The following MCPH1 variants were observed in gnomAD, a reference collection of about 807,000 sequenced individuals.
The protein encoded by MCPH1 is microcephalin.
Under a neutral mutation model 84.5 loss-of-function variants are expected in MCPH1, and 104 were observed. The observed-to-expected ratio is 1.23, with a 90% CI of 1.05 to 1.45. The LOEUF (loss-of-function observed/expected upper bound fraction) is 1.45, where lower values mean the gene tolerates loss of function less well. Ranked by LOEUF, MCPH1 falls within the 40% of genes most tolerant of loss-of-function variation. The probability of loss-of-function intolerance (pLI) is 0.00; values close to 1 mark genes in which losing one functional copy is unlikely to be tolerated. For missense variants in MCPH1, 1,498 were observed against 1,005.7 expected (o/e 1.49, Z -6.62); for synonymous variants, 514 against 366.8 (o/e 1.40, Z -4.58).
At chr8:6,433,688 G>A (rs941108461) in intron 4 of MCPH1, among the ~76,000 whole-genome samples, 6 of 147,952 alleles carry the variant, frequency 4.1e-5, no homozygotes, top group African/African-American at 1.5e-4. Flanking sequence ...AATATTGGAT[G>A]TTACTAATCT....
intron 12 of MCPH1, among the ~76,000 whole-genome samples, chr8:6,561,303 A>T (rs1183029799): frequency 1.3e-5 from 2 of 152,224 alleles, no homozygotes; most frequent in Non-Finnish European, 2.9e-5. Flanking sequence ...TTGATAGGTC[A>T]TTTTGGTAAG....
intron 13 of MCPH1, chr8:6,626,552 A>G: frequency 2.0e-6 from 2 of 984,756 alleles, no homozygotes; most frequent in Non-Finnish European, 2.4e-6. Context: ...CGGGAAAACA[A>G]AAATCAAATT....
In MCPH1 at chr8:6,460,709, C is replaced by T. The variant is rs752308405; in HGVS notation, c.1935+5457C>T. On this transcript the variant is annotated intron_variant, in intron 9 of 13. Transcript: ENST00000344683. ...TGCCTGGTTAGTTTGTCTTTATCTT[C>T]CTAGCAGGGACTGAGATGATCTGGA... Among the ~76,000 whole-genome samples the T allele has an allele frequency of 3.9e-5, 6 of 152,094 alleles. No homozygotes were observed. In the Middle Eastern group the frequency reaches 0.01, roughly 259 times the overall value.
At chr8:6,546,418 C>T (rs971303990) in intron 12 of MCPH1, among the ~76,000 whole-genome samples, 5 of 152,258 alleles carry the variant, frequency 3.3e-5, no homozygotes, top group East Asian at 1.9e-4. Context: ...TAGCATAGAG[C>T]GTAAAATGCA....
chr8:6,468,559 A>C (rs890464348), intron 9 of MCPH1, among the ~76,000 whole-genome samples: 7 of 152,136 alleles, frequency 4.6e-5, no homozygotes, highest in Non-Finnish European at 1.0e-4. Flanking sequence ...TTGCTAGATG[A>C]AACATCTTTT....
chr8:6,576,678 T>C (rs1241870426), intron 12 of MCPH1, among the ~76,000 whole-genome samples: 2 of 130,578 alleles, frequency 1.5e-5, no homozygotes, highest in Non-Finnish European at 1.6e-5. Flanking sequence ...CTGCTAATTT[T>C]TGTATTTTTT....
chr8:6,546,466 C>G (rs557914103), intron 12 of MCPH1, among the ~76,000 whole-genome samples: 1 of 152,278 alleles, frequency 6.6e-6, no homozygotes, highest in Admixed American at 6.5e-5. Context: ...GTTTGAGAAG[C>G]CAGGTGTGCC....
intron 9 of MCPH1, among the ~76,000 whole-genome samples, chr8:6,469,112 C>G (rs1426117156): frequency 6.6e-6 from 1 of 151,934 alleles, no homozygotes; most frequent in East Asian, 1.9e-4. Flanking sequence ...ACCAGGAATT[C>G]GAGGCTGCTC....
chr8:6,501,053 G>C (rs1209467949), intron 12 of MCPH1: 1 of 152,204 alleles, frequency 6.6e-6, no homozygotes, highest in East Asian at 1.9e-4. Context: ...ACAAGGCCAT[G>C]ATACCGTTGT....
At chr8:6,572,093 C>A (rs561259048) in intron 12 of MCPH1, among the ~76,000 whole-genome samples, 6 of 151,620 alleles carry the variant, frequency 4.0e-5, no homozygotes, top group African/African-American at 9.7e-5. Flanking sequence ...AGTCAAAGAC[C>A]GACTGATACA....
intron 12 of MCPH1, chr8:6,520,034 A>G (rs1324659223): frequency 1.2e-6 from 2 of 1,600,660 alleles, no homozygotes; most frequent in Non-Finnish European, 1.7e-6. Flanking sequence ...GAGTTCATGA[A>G]AAGACAAAGA....
intron 12 of MCPH1, among the ~76,000 whole-genome samples, chr8:6,574,196 A>T (rs545968607): frequency 6.6e-6 from 1 of 152,192 alleles, no homozygotes; most frequent in African/African-American, 2.4e-5. Context: ...GCCTAAAACA[A>T]TGGGAATTTA....
At chr8:6,509,402 A>G (rs776701236) in intron 12 of MCPH1, among the ~76,000 whole-genome samples, 17 of 152,244 alleles carry the variant, frequency 1.1e-4, no homozygotes, top group Admixed American at 2.6e-4. Flanking sequence ...CCAGGTCTCC[A>G]GTCATCTTCC....
intron 12 of MCPH1, chr8:6,514,909 G>C: frequency 3.0e-6 from 2 of 673,680 alleles, no homozygotes; most frequent in Non-Finnish European, 5.2e-6. Context: ...AAGGCACGGA[G>C]TAGACCATCG....
At chr8:6,525,139 C>G (rs1196995039) in intron 12 of MCPH1, among the ~76,000 whole-genome samples, 1 of 152,192 alleles carries the variant, frequency 6.6e-6, no homozygotes, top group East Asian at 1.9e-4. Context: ...TATTAACCAG[C>G]CAAGGAACTG....
At chr8:6,614,579 C>T (rs1266932067) in intron 12 of MCPH1, among the ~76,000 whole-genome samples, 1 of 152,218 alleles carries the variant, frequency 6.6e-6, no homozygotes, top group Non-Finnish European at 1.5e-5. Flanking sequence ...CAAACACACA[C>T]GTCCGTTGGC....
In MCPH1 at chr8:6,406,680, A is replaced by T; in HGVS notation, c.13A>T (p.Ile5Phe). 1.9e-6 allele frequency: 3 copies of T among 1,611,530 alleles called. No homozygotes were observed. Among genetic ancestry groups the T allele is most frequent in the Non-Finnish European group, 2.5e-6 (3 of 1,179,360 alleles). The change falls in exon 1 of 14, where the codon ATC becomes TTC. Residue 5 changes from isoleucine to phenylalanine, a missense_variant. Transcript: ENST00000344683. ...CCCGCCGTCTGTCATGGCGGCCCCC[A>T]TCCTGAAAGGTGAGGTACTTCCTGC... The part of the protein sequence containing the change: MAAP[I>F]LKDVVAYVEV...
At chr8:6,627,177 G>A in intron 13 of MCPH1, 1 of 985,318 alleles carries the variant, frequency 1.0e-6, no homozygotes, top group Non-Finnish European at 1.2e-6. Flanking sequence ...GCTCCCATGG[G>A]GCCACTCGGG....
At chr8:6,485,196 G>A (rs1277087236) in intron 11 of MCPH1, among the ~76,000 whole-genome samples, 1 of 151,936 alleles carries the variant, frequency 6.6e-6, no homozygotes, top group African/African-American at 2.4e-5. Flanking sequence ...ACGGTGGCAG[G>A]TGCCTATAAT....
Sources: allele counts gnomAD v4.1 joint callset (sites outside exome capture counted in the v4.1 genomes callset), GRCh38; gene constraint gnomAD v4.1.1; transcripts MANE v1.5; gene names NCBI Gene and HGNC (gene_info 2026-07-23, HGNC 2026-07-21).